The following GRIN2B variants were observed in gnomAD, a reference collection of about 807,000 sequenced individuals.
GRIN2B encodes glutamate ionotropic receptor NMDA type subunit 2B.
In GRIN2B, 5 loss-of-function variants were observed where a neutral mutation model predicts 114.5. The ratio of observed to expected loss-of-function variants is 0.04; its 90% CI spans 0.02 to 0.09. The LOEUF is 0.09. Ranked by LOEUF, GRIN2B falls within the 10% of genes least tolerant of loss-of-function variation. The pLI is 1.00. For missense variants in GRIN2B, 1,108 were observed against 1,943.5 expected (o/e 0.57, Z 8.08); for synonymous variants, 787 against 745.1 (o/e 1.06, Z -0.92).
intron 13 of GRIN2B, among the ~76,000 whole-genome samples, 200 bp downstream of exon 13, chr12:13,566,825 T>C (rs1414847501): frequency 6.6e-6 from 1 of 152,184 alleles, no homozygotes; most frequent in Non-Finnish European, 1.5e-5. Context: ...AGCTGTTTCT[T>C]GAAGGAAATA....
chr12:13,624,187 T>C (rs1037661143), intron 5 of GRIN2B, among the ~76,000 whole-genome samples: 3 of 152,254 alleles, frequency 2.0e-5, no homozygotes, highest in Non-Finnish European at 4.4e-5. Context: ...ATCTCTGAAC[T>C]GGTCCTTAAG....
intron 4 of GRIN2B, among the ~76,000 whole-genome samples, chr12:13,707,261 G>C (rs116616013): frequency 1.1e-3 from 161 of 152,172 alleles, no homozygotes; most frequent in African/African-American, 3.7e-3. Flanking sequence ...ACCAGCATCA[G>C]GTTGCATCTC....
intron 4 of GRIN2B, among the ~76,000 whole-genome samples, chr12:13,731,103 T>G (rs1863080797): frequency 6.6e-6 from 1 of 152,182 alleles, no homozygotes; most frequent in Admixed American, 6.5e-5. Context: ...ACAACTCAGC[T>G]TTTCTCAGCT....
At chr12:13,963,541 G>A (rs1477158067) in intron 2 of GRIN2B, among the ~76,000 whole-genome samples, 3 of 152,202 alleles carry the variant, frequency 2.0e-5, no homozygotes, top group African/African-American at 7.2e-5. Context: ...GAGAGGCAGA[G>A]AGCTCAGTTC....
intron 4 of GRIN2B, among the ~76,000 whole-genome samples, chr12:13,749,727 C>T (rs1417257657): frequency 9.2e-5 from 14 of 152,128 alleles, no homozygotes; most frequent in Non-Finnish European, 1.5e-5. Context: ...ACTGAATGTG[C>T]CTAATTGATT....
intron 2 of GRIN2B, among the ~76,000 whole-genome samples, chr12:13,916,947 G>A (rs1197193911): frequency 6.6e-6 from 1 of 151,998 alleles, no homozygotes; most frequent in Non-Finnish European, 1.5e-5. Flanking sequence ...CCTTTGAGTT[G>A]CAACTTAAAG....
In GRIN2B at chr12:13,557,521, A is replaced by T. The variant is rs978242415; in HGVS notation, c.*5262T>A. Reference sequence around the variant, plus strand: ...TACTCAGTAACATGTAATGGAGGAGAAGCATCACTCTTCTATTTTCTATGG... The same window carrying T: ...TACTCAGTAACATGTAATGGAGGAGTAGCATCACTCTTCTATTTTCTATGG... On this transcript the variant is annotated 3_prime_UTR_variant, in exon 14 of 14. Coordinates refer to ENST00000609686, the MANE Select transcript of GRIN2B (RefSeq NM_000834.5). The T allele has an allele frequency of 6.6e-6, 1 of 152,172 alleles. No individual in the cohort carries two copies. The highest frequency in any genetic ancestry group is 2.4e-5 in the African/African-American group (1 of 41,438). 9.4% of individuals were successfully genotyped at this position (152,172 alleles called of 1,614,324 possible). A position where few individuals can be genotyped will look rare whatever the true frequency, so the allele number is the denominator to read the frequency against.
intron 2 of GRIN2B, among the ~76,000 whole-genome samples, chr12:13,972,654 C>T (rs955342320): frequency 2.0e-5 from 3 of 152,304 alleles, no homozygotes; most frequent in African/African-American, 7.2e-5. Context: ...GGTCAGTGGA[C>T]GTGGCTGACC....
chr12:13,606,324 AG>A (rs1949247057), intron 10 of GRIN2B, among the ~76,000 whole-genome samples: 1 of 152,208 alleles, frequency 6.6e-6, no homozygotes, highest in South Asian at 2.1e-4. Context: ...TGGAAGGGGC[AG>A]GGGAGCCAGC....
intron 10 of GRIN2B, among the ~76,000 whole-genome samples, chr12:13,589,796 G>A (rs1948981169): frequency 6.6e-6 from 1 of 152,142 alleles, no homozygotes; most frequent in South Asian, 2.1e-4. Flanking sequence ...TGGAAGACAA[G>A]CTCTCTGGGC....
chr12:13,571,937 G>C lies in GRIN2B; in HGVS notation c.2038C>G (p.Pro680Ala). 2 of 1,614,004 alleles carry C rather than the reference G, an allele frequency of 1.2e-6. No homozygotes were observed. The highest frequency in any genetic ancestry group is 1.7e-6 in the Non-Finnish European group (2 of 1,179,920). ...KFQRPNDFSP[P>A]FRFGTVPNGS... is the part of the protein sequence containing the mutation. ...TTGGGCACGGTCCCAAAGCGGAAAGGGGGTGAGAAGTCATTAGGTCTCTGG... is the reference window on the plus strand; with the variant it reads ...TTGGGCACGGTCCCAAAGCGGAAAGCGGGTGAGAAGTCATTAGGTCTCTGG... The change falls in exon 11 of 14, where the codon CCT becomes GCT. Residue 680 changes from proline to alanine, a missense_variant. By Grantham distance (27) the Pro-to-Ala change is conservative. Coordinates refer to ENST00000609686, the MANE Select transcript of GRIN2B (RefSeq NM_000834.5).
chr12:13,771,314 A>G (rs891642674), intron 3 of GRIN2B, among the ~76,000 whole-genome samples: 2 of 152,230 alleles, frequency 1.3e-5, no homozygotes. Flanking sequence ...TATATTTATC[A>G]GTCTTGGGTA....
intron 4 of GRIN2B, among the ~76,000 whole-genome samples, chr12:13,684,239 A>G (rs1396218340): frequency 1.3e-5 from 2 of 152,144 alleles, no homozygotes; most frequent in African/African-American, 4.8e-5. Flanking sequence ...TCTAGAATAA[A>G]TGATTCCTCA....
chr12:13,607,301 T>C (rs1949275348), intron 10 of GRIN2B, among the ~76,000 whole-genome samples: 1 of 72,112 alleles, frequency 1.4e-5, no homozygotes, highest in Non-Finnish European at 2.5e-5. Flanking sequence ...TATAAAAATA[T>C]ATATTATATA....
chr12:13,895,662 G>T (rs1334491164), intron 2 of GRIN2B, among the ~76,000 whole-genome samples: 2 of 152,136 alleles, frequency 1.3e-5, no homozygotes, highest in Non-Finnish European at 2.9e-5. Flanking sequence ...TACTGTTCTT[G>T]TACAACATTA....
chr12:13,944,535 GA>G (rs757563515), intron 2 of GRIN2B, among the ~76,000 whole-genome samples: 322 of 152,300 alleles, frequency 2.1e-3, no homozygotes, highest in Non-Finnish European at 3.1e-3. Flanking sequence ...ATGCCTTTGA[GA>G]AAAATGGTAA....
intron 2 of GRIN2B, among the ~76,000 whole-genome samples, chr12:13,900,432 G>A (rs940411881): frequency 3.3e-5 from 5 of 151,482 alleles, no homozygotes; most frequent in African/African-American, 7.3e-5. Context: ...CAGAGATCAC[G>A]CCATTGCACT....
intron 3 of GRIN2B, among the ~76,000 whole-genome samples, chr12:13,762,700 T>A (rs1485984406): frequency 6.6e-6 from 1 of 152,198 alleles, no homozygotes; most frequent in South Asian, 2.1e-4. Context: ...CACATGGGCC[T>A]CTTCAAGGGA....
rs187738648 is a variant in GRIN2B at position 13,547,000 on chromosome 12, C to T, written c.*15783G>A. On this transcript the variant is annotated 3_prime_UTR_variant, in exon 14 of 14. Transcript: ENST00000609686. The stretch of plus-strand genomic sequence containing the variant: ...GTTGAAGCACTCAGGAACAAGACCT[C>T]ATTTGCCTGCTTGTCATTCTTTCTC... 1 of 152,266 alleles carries T rather than the reference C, an allele frequency of 6.6e-6. No homozygotes were observed. The highest frequency in any genetic ancestry group is 2.4e-5 in the African/African-American group (1 of 41,550). The allele number at this position is 152,266 out of a possible 1,614,324, so 9.4% of individuals were successfully genotyped here. A position where few individuals can be genotyped will look rare whatever the true frequency, so the allele number is the denominator to read the frequency against.
Sources: gnomAD v4.1 joint callset for allele counts (sites outside exome capture counted in the v4.1 genomes callset) on GRCh38, gnomAD v4.1.1 for gene constraint, MANE v1.5 for transcripts, NCBI Gene and HGNC (gene_info 2026-07-23, HGNC 2026-07-21) for gene names.